The following CCDC196 variants were observed in gnomAD, a reference collection of about 807,000 sequenced individuals.
CCDC196 encodes coiled-coil domain containing 196.
chr14:66,495,857 G>A (rs2057652609), intron 8 of CCDC196: 1 of 156,598 alleles, frequency 6.4e-6, no homozygotes, highest in African/African-American at 2.4e-5. Context: ...GTGTATTACT[G>A]GCAGCCTTGA....
At chr14:66,497,868 T>A (rs2057703054) in intron 8 of CCDC196, among the ~76,000 whole-genome samples, 1 of 152,132 alleles carries the variant, frequency 6.6e-6, no homozygotes, top group Non-Finnish European at 1.5e-5. Flanking sequence ...ACTTCTTTAT[T>A]TACTTGCATA....
intron 4 of CCDC196, among the ~76,000 whole-genome samples, chr14:66,490,159 G>A (rs752695611): frequency 1.6e-4 from 24 of 152,094 alleles, no homozygotes; most frequent in Non-Finnish European, 3.1e-4. Flanking sequence ...CTCGTAATAG[G>A]AAATGTGCCA....
chr14:66,491,037 C>G lies in CCDC196; in HGVS notation c.446C>G (p.Ser149Ter), dbSNP rs1339970065. The G allele has an allele frequency of 4.8e-6, 2 of 413,562 alleles. No individual in the cohort carries two copies. The highest frequency in any genetic ancestry group is 8.8e-6 in the Non-Finnish European group (2 of 226,196). The allele number at this position is 413,562 out of a possible 1,614,324, so 25.6% of individuals were successfully genotyped here. ...LQDGKAPKSP[S>*]SPRKTESELE... ...TCATCCCAGGCTCCCAAATCCCCCT[C>G]ATCACCTAGGAAGACTGAGAGTGAA... The change falls in exon 6 of 10, where the codon TCA becomes TGA. Residue 149 changes from serine (S) to a stop codon, truncating the protein, a stop_gained. Coordinates refer to ENST00000636229, the MANE Select transcript of CCDC196 (RefSeq NM_001351576.1). LOFTEE classifies it high-confidence loss of function.
chr14:66,497,441 T>C (rs1287504781), intron 8 of CCDC196, among the ~76,000 whole-genome samples: 1 of 152,156 alleles, frequency 6.6e-6, no homozygotes, highest in Non-Finnish European at 1.5e-5. Flanking sequence ...GCAGTATGTC[T>C]AGGAAAATGT....
At chr14:66,490,320 G>A (rs947468076) in intron 4 of CCDC196, among the ~76,000 whole-genome samples, 3 of 152,130 alleles carry the variant, frequency 2.0e-5, no homozygotes, top group African/African-American at 7.2e-5. Context: ...GAAAGATCTG[G>A]TTCAAATTCC....
At chr14:66,493,065 T>C (rs2057579017) in intron 8 of CCDC196, among the ~76,000 whole-genome samples, 1 of 152,208 alleles carries the variant, frequency 6.6e-6, no homozygotes, top group African/African-American at 2.4e-5. Context: ...TATCTATGAA[T>C]ATGAACTCCA....
rs2057551281 is a variant in CCDC196 at position 66,492,015 on chromosome 14, A to G, written c.574-38A>G. ...GGTAACAATGGATTCAGAGAAGCCAATCCTATATGTGTAGTTTTGGAAAAT... is the reference window on the plus strand; with the variant it reads ...GGTAACAATGGATTCAGAGAAGCCAGTCCTATATGTGTAGTTTTGGAAAAT... On this transcript the variant is annotated intron_variant, in intron 7 of 9. Transcript: ENST00000636229. The G allele has an allele frequency of 2.4e-5, 10 of 412,724 alleles. No individual in the cohort carries two copies. In the Admixed American group the frequency reaches 4.4e-4, roughly 18 times the overall value. 25.6% of individuals were successfully genotyped at this position (412,724 alleles called of 1,614,324 possible).
At position 66,486,491 on chromosome 14, in the gene CCDC196, T is replaced by C; in HGVS notation, c.-12T>C. ...AGGAAGGCCTCTTTATTCTTAGAAG[T>C]TACCCTTCAAGATGACAAGTGGTGC... On this transcript the variant is annotated 5_prime_UTR_variant, in exon 1 of 10. Coordinates refer to ENST00000636229, the MANE Select transcript of CCDC196 (RefSeq NM_001351576.1). 2.4e-6 allele frequency: 1 copy of C among 411,260 alleles called. No homozygotes were observed. Among genetic ancestry groups the C allele is most frequent in the Non-Finnish European group, 4.4e-6 (1 of 226,014 alleles). 25.5% of individuals were successfully genotyped at this position (411,260 alleles called of 1,614,324 possible).
At chr14:66,492,261 A>G (rs939053024) in intron 8 of CCDC196, 67 bp downstream of exon 8, 7 of 411,134 alleles carry the variant, frequency 1.7e-5, no homozygotes, top group Non-Finnish European at 2.7e-5. Flanking sequence ...GGAGACCTTT[A>G]CTTGTAAAGT....
At chr14:66,489,349 A>G (rs1187021336) in intron 4 of CCDC196, among the ~76,000 whole-genome samples, 1 of 152,104 alleles carries the variant, frequency 6.6e-6, no homozygotes, top group African/African-American at 2.4e-5. Flanking sequence ...TGGTTTCTCA[A>G]ACATGCCAAG....
At position 66,487,716 on chromosome 14, in the gene CCDC196, C is replaced by T. The variant is rs112536857; in HGVS notation, c.204-444C>T. ...CTTCCCCAATAGACTCAAATGTCCT[C>T]ATAGGAAGAAGCAAGGAAGTGGGAG... On this transcript the variant is annotated intron_variant, in intron 2 of 9. Coordinates refer to ENST00000636229, the MANE Select transcript of CCDC196 (RefSeq NM_001351576.1). Among the ~76,000 whole-genome samples the T allele has an allele frequency of 8.0e-3, 1,217 of 152,218 alleles. 8 individuals are homozygous for T. Among genetic ancestry groups the T allele is most frequent in the Non-Finnish European group, 0.012 (811 of 68,008 alleles).
Position 66,490,738 on chromosome 14 carries a change from A to G in CCDC196, c.352-4A>G. 1 of 399,404 alleles carries G rather than the reference A, an allele frequency of 2.5e-6. No individual in the cohort carries two copies. Among genetic ancestry groups the G allele is most frequent in the Admixed American group, 4.4e-5 (1 of 22,732 alleles). 24.7% of individuals were successfully genotyped at this position (399,404 alleles called of 1,614,324 possible). On this transcript the variant is annotated splice_region_variant and splice_polypyrimidine_tract_variant and intron_variant, in intron 4 of 9. Transcript: ENST00000636229. ...TAAAGCTTTGCCAAAATGTCTTTCCACAGACATTCGAGGCAGAAGAACTTA... is the reference window on the plus strand; with the variant it reads ...TAAAGCTTTGCCAAAATGTCTTTCCGCAGACATTCGAGGCAGAAGAACTTA...
rs892550927 is a variant in CCDC196 at position 66,486,434 on chromosome 14, T to C, written c.-69T>C. On this transcript the variant is annotated 5_prime_UTR_variant, in exon 1 of 10. Transcript: ENST00000636229. ...AGAACAGCAGCACAAAAATAATGACTTAACTGGATAGAAAAAAAGGCACAT... is the reference window on the plus strand; with the variant it reads ...AGAACAGCAGCACAAAAATAATGACCTAACTGGATAGAAAAAAAGGCACAT... 1.5e-5 allele frequency: 6 copies of C among 400,526 alleles called. No homozygotes were observed. In the East Asian group the frequency reaches 1.8e-4, roughly 12 times the overall value. The allele number at this position is 400,526 out of a possible 1,614,324, so 24.8% of individuals were successfully genotyped here.
chr14:66,493,270 G>T (rs191893609), intron 8 of CCDC196, among the ~76,000 whole-genome samples: 4 of 152,254 alleles, frequency 2.6e-5, no homozygotes, highest in African/African-American at 7.2e-5. Flanking sequence ...GTTGAAGCCG[G>T]GCAAATACAC....
chr14:66,487,291 ACCC>A (rs924207950), intron 2 of CCDC196, among the ~76,000 whole-genome samples: 14 of 152,124 alleles, frequency 9.2e-5, no homozygotes, highest in African/African-American at 3.4e-4. Flanking sequence ...TGTACTTGGG[ACCC>A]ACAAACTCTG....
At chr14:66,498,324 T>TCCTTTTTCCTC (rs1465540401) in intron 9 of CCDC196, 29 bp from the exon 10 acceptor site, 51 of 412,642 alleles carry the variant, frequency 1.2e-4, no homozygotes, top group African/African-American at 8.8e-4. Flanking sequence ...ATTTTAGCTG[T>TCCTTTTTCCTC]CCTTTTTCCT....
intron 8 of CCDC196, chr14:66,496,232 T>G (rs374346946): frequency 9.9e-5 from 45 of 456,238 alleles, no homozygotes; most frequent in African/African-American, 8.4e-4. Context: ...TTTTCTGTTC[T>G]AAGCATTTCC....
Position 66,491,031 on chromosome 14 carries a change from C to G in CCDC196, c.440C>G (p.Ser147Cys), listed in dbSNP as rs1420601784. Residue 147 changes from serine to cysteine, a missense_variant, in exon 6 of 10, where the codon TCC becomes TGC. Transcript: ENST00000636229. ...CTTCTTTCATCCCAGGCTCCCAAAT[C>G]CCCCTCATCACCTAGGAAGACTGAG... ...ADLQDGKAPKSPSSPRKTESE... is the reference protein window; with the variant it reads ...ADLQDGKAPKCPSSPRKTESE... The G allele has an allele frequency of 4.8e-6, 2 of 413,426 alleles. No homozygotes were observed. Among genetic ancestry groups the G allele is most frequent in the Non-Finnish European group, 8.8e-6 (2 of 226,202 alleles). The allele number at this position is 413,426 out of a possible 1,614,324, so 25.6% of individuals were successfully genotyped here.
At chr14:66,497,217 T>C (rs2057687553) in intron 8 of CCDC196, among the ~76,000 whole-genome samples, 1 of 152,120 alleles carries the variant, frequency 6.6e-6, no homozygotes, top group African/African-American at 2.4e-5. Context: ...CAAAGTTAGG[T>C]TTATGGTATT....
Sources: gnomAD v4.1 joint callset for allele counts (sites outside exome capture counted in the v4.1 genomes callset) on GRCh38, gnomAD v4.1.1 for gene constraint, MANE v1.5 for transcripts, NCBI Gene and HGNC (gene_info 2026-07-23, HGNC 2026-07-21) for gene names.